Variants in CCDC186 observed in about 807,000 individuals in gnomAD.
CCDC186 encodes coiled-coil domain-containing protein 186.
A neutral mutation model predicts 113.7 loss-of-function variants in CCDC186; 49 were observed. The ratio of observed to expected loss-of-function variants is 0.43; its 90% CI spans 0.34 to 0.55. The LOEUF (loss-of-function observed/expected upper bound fraction) is 0.55. CCDC186 is among the 20% of genes least tolerant of loss of function. The probability of loss-of-function intolerance (pLI) is 0.02; values close to 1 mark genes in which losing one functional copy is unlikely to be tolerated. For synonymous variants in CCDC186, 355 were observed against 345.8 expected, an observed-to-expected ratio of 1.03 and a Z score of -0.30; for missense variants, 890 against 1,011.1, an observed-to-expected ratio of 0.88 and a Z score of 1.62.
intron 1 of CCDC186, chr10:114,165,809 T>A (rs1191419341): frequency 1.3e-6 from 1 of 787,012 alleles, no homozygotes; most frequent in Admixed American, 7.4e-5. Flanking sequence ...GATCGTGCCA[T>A]TGCACTCCAG....
intron 1 of CCDC186, among the ~76,000 whole-genome samples, chr10:114,169,609 G>C (rs746848947): frequency 1.3e-5 from 2 of 152,098 alleles, no homozygotes; most frequent in Non-Finnish European, 2.9e-5. Context: ...AACTGAACTT[G>C]AGACCACTCC....
chr10:114,123,354 A>G lies in CCDC186; in HGVS notation c.*1789T>C, dbSNP rs2030789263. ...GTGAAAAGATATTTTTTTTGGGATAACATCTAATTCAATATATAGAAAAAA... is the reference window on the plus strand; with the variant it reads ...GTGAAAAGATATTTTTTTTGGGATAGCATCTAATTCAATATATAGAAAAAA... On this transcript the variant is annotated 3_prime_UTR_variant, in exon 16 of 16. Coordinates refer to ENST00000369287, the MANE Select transcript of CCDC186 (RefSeq NM_018017.4). The G allele has an allele frequency of 6.6e-6, 1 of 152,366 alleles. No individual in the cohort carries two copies. Among genetic ancestry groups the G allele is most frequent in the Non-Finnish European group, 1.5e-5 (1 of 68,014 alleles). The allele number at this position is 152,366 out of a possible 1,614,324, so 9.4% of individuals were successfully genotyped here.
At position 114,137,645 on chromosome 10, in the gene CCDC186, G is replaced by A. The variant is rs947638459; in HGVS notation, c.1222-355C>T. ...TGGCCGGACGTGGTGGCTCACGCCT[G>A]TAATTCCAGCACTTTGGGAGGTGGA... On this transcript the variant is annotated intron_variant, in intron 6 of 15. Coordinates refer to ENST00000369287, the MANE Select transcript of CCDC186 (RefSeq NM_018017.4). 2.0e-5 allele frequency among the ~76,000 whole-genome samples: 3 copies of A among 152,178 alleles called. No homozygotes were observed. The South Asian group carries it at 6.2e-4, about 31-fold the overall frequency.
intron 1 of CCDC186, chr10:114,173,255 G>A (rs534699331): frequency 2.2e-6 from 1 of 454,348 alleles, no homozygotes; most frequent in South Asian, 1.6e-5. Context: ...CGAAATCCAG[G>A]ACTTTTTCCT....
chr10:114,144,008 AAAGTT>A (rs2031556742), intron 6 of CCDC186, among the ~76,000 whole-genome samples: 2 of 152,196 alleles, frequency 1.3e-5, no homozygotes, highest in East Asian at 3.9e-4. Context: ...TATTTATAAA[AAAGTT>A]AAGGCAACTT....
intron 6 of CCDC186, among the ~76,000 whole-genome samples, chr10:114,138,036 T>A (rs1390455256): frequency 5.6e-5 from 2 of 35,634 alleles, no homozygotes; most frequent in Non-Finnish European, 4.9e-5. Flanking sequence ...AAACTCGGTC[T>A]CAAAAAAAAA....
At chr10:114,170,989 T>C (rs1464137204) in intron 1 of CCDC186, among the ~76,000 whole-genome samples, 1 of 152,148 alleles carries the variant, frequency 6.6e-6, no homozygotes, top group Admixed American at 6.5e-5. Flanking sequence ...GTTCACCTTA[T>C]CAAGTTACAC....
chr10:114,139,777 T>C (rs1199378529), intron 6 of CCDC186, among the ~76,000 whole-genome samples: 1 of 152,102 alleles, frequency 6.6e-6, no homozygotes, highest in Non-Finnish European at 1.5e-5. Flanking sequence ...CTAGACTCAA[T>C]GGACAGGGAG....
chr10:114,131,798 A>G (rs370477587), intron 11 of CCDC186, 131 bp downstream of exon 11: 1 of 649,578 alleles, frequency 1.5e-6, no homozygotes. Context: ...CATTTCTTAC[A>G]GCAGTTGAAA....
At chr10:114,151,886 T>G (rs77579266) in intron 3 of CCDC186, among the ~76,000 whole-genome samples, 2,284 of 152,204 alleles carry the variant, frequency 0.015, 69 homozygotes, top group African/African-American at 0.052. Flanking sequence ...AGTGAAATGG[T>G]GACTTGAAAG....
chr10:114,173,668 T>G (rs2032594078), intron 1 of CCDC186, among the ~76,000 whole-genome samples: 1 of 152,148 alleles, frequency 6.6e-6, no homozygotes, highest in South Asian at 2.1e-4. Context: ...CTCGAGCAGG[T>G]AGGGCTTGGC....
In CCDC186 at chr10:114,163,063, T is replaced by C; in HGVS notation, c.206A>G (p.Tyr69Cys). 1 of 1,614,148 alleles carries C rather than the reference T, an allele frequency of 6.2e-7. No homozygotes were observed. Among genetic ancestry groups the C allele is most frequent in the South Asian group, 1.1e-5 (1 of 91,074 alleles). Reference sequence around the variant, plus strand: ...CTCACCTCCACCATGATCTGGAATATAATTTTCCTGGGCTTCAATTCGATT... The same window carrying C: ...CTCACCTCCACCATGATCTGGAATACAATTTTCCTGGGCTTCAATTCGATT... ...HNNRIEAQENYIPDHGGGEDS... is the reference protein window; with the variant it reads ...HNNRIEAQENCIPDHGGGEDS... The change falls in exon 2 of 16, where the codon TAT becomes TGT. Residue 69 changes from tyrosine to cysteine, a missense_variant. Physicochemically the swap from Tyr to Cys is radical, Grantham distance 194 (BLOSUM62 -2). Transcript: ENST00000369287.
chr10:114,165,980 A>G, intron 1 of CCDC186: 1 of 958,728 alleles, frequency 1.0e-6, no homozygotes, highest in African/African-American at 1.8e-5. Context: ...TTTTTTTTTA[A>G]TGGCTAGAAC....
intron 6 of CCDC186, among the ~76,000 whole-genome samples, chr10:114,138,907 T>C (rs1186670460): frequency 6.6e-6 from 1 of 152,170 alleles, no homozygotes; most frequent in Non-Finnish European, 1.5e-5. Context: ...AATGGGACTT[T>C]TGGTATCATC....
At chr10:114,139,071 T>C (rs1270746631) in intron 6 of CCDC186, among the ~76,000 whole-genome samples, 1 of 152,240 alleles carries the variant, frequency 6.6e-6, no homozygotes, top group African/African-American at 2.4e-5. Context: ...AGCTTCTCGA[T>C]AGCGACTAAC....
intron 7 of CCDC186, 25 bp from the exon 8 acceptor site, chr10:114,136,271 T>C: frequency 6.4e-7 from 1 of 1,562,202 alleles, no homozygotes; most frequent in Non-Finnish European, 8.8e-7. Flanking sequence ...ACAAAAAAAG[T>C]GTGACAATTT....
At chr10:114,169,102 TTTTAAC>T (rs759214093) in intron 1 of CCDC186, among the ~76,000 whole-genome samples, 1 of 152,192 alleles carries the variant, frequency 6.6e-6, no homozygotes, top group Non-Finnish European at 1.5e-5. Flanking sequence ...TGTTACAGTA[TTTTAAC>T]TTTAAGGTTT....
At chr10:114,152,758 T>C (rs2031892738) in intron 3 of CCDC186, among the ~76,000 whole-genome samples, 1 of 152,192 alleles carries the variant, frequency 6.6e-6, no homozygotes, top group Non-Finnish European at 1.5e-5. Context: ...GAAGGCATTT[T>C]AGGTTCAAAA....
At chr10:114,151,680 C>T (rs2031861178) in intron 3 of CCDC186, among the ~76,000 whole-genome samples, 1 of 152,220 alleles carries the variant, frequency 6.6e-6, no homozygotes, top group African/African-American at 2.4e-5. Context: ...CTGCATTGTA[C>T]ACACTACCTG....
Sources: allele counts gnomAD v4.1 joint callset (sites outside exome capture counted in the v4.1 genomes callset), GRCh38; gene constraint gnomAD v4.1.1; transcripts MANE v1.5; gene names NCBI Gene and HGNC (gene_info 2026-07-23, HGNC 2026-07-21).